SLC24A2: variants seen among roughly 807,000 people sequenced by gnomAD.
SLC24A2 encodes the protein sodium/potassium/calcium exchanger 2.
In SLC24A2, 36 loss-of-function variants were observed where a neutral mutation model predicts 62.0. The observed-to-expected ratio is 0.58, with a 90% CI of 0.44 to 0.77. The LOEUF is 0.77. SLC24A2 is among the 30% of genes least tolerant of loss of function. SLC24A2 has a pLI of 0.00. For missense variants in SLC24A2, 846 were observed against 817.9 expected (o/e 1.03, Z -0.42); for synonymous variants, 358 against 294.0 (o/e 1.22, Z -2.23).
the SLC24A2 span, among the ~76,000 whole-genome samples, chr9:19,996,203 A>G: frequency 2.0e-5 from 3 of 152,316 alleles, no homozygotes; most frequent in Admixed American, 6.5e-5. Context: ...TTTTCTTTGC[A>G]TCAAAGGGTT....
chr9:20,105,802 G>C, the SLC24A2 span, among the ~76,000 whole-genome samples: 1 of 151,938 alleles, frequency 6.6e-6, no homozygotes, highest in Non-Finnish European at 1.5e-5. Flanking sequence ...AAAAGCAAGA[G>C]CAAACACATT....
At chr9:20,060,300 T>C in the SLC24A2 span, among the ~76,000 whole-genome samples, 2 of 152,084 alleles carry the variant, frequency 1.3e-5, no homozygotes, top group Admixed American at 6.6e-5. Flanking sequence ...TTCTAACCCA[T>C]TCCAAAAAGC....
At chr9:19,613,027 T>G (rs1018479120) in intron 4 of SLC24A2, among the ~76,000 whole-genome samples, 1 of 152,226 alleles carries the variant, frequency 6.6e-6, no homozygotes, top group Non-Finnish European at 1.5e-5. Flanking sequence ...CCTTGGTATT[T>G]ATCCATGAAG....
At chr9:19,993,334 T>C in the SLC24A2 span, among the ~76,000 whole-genome samples, 2 of 152,238 alleles carry the variant, frequency 1.3e-5, no homozygotes, top group Non-Finnish European at 2.9e-5. Context: ...CTTTAAAAAC[T>C]TTAGCTTTTG....
chr9:19,549,460 G>C (rs1834736699), intron 8 of SLC24A2, among the ~76,000 whole-genome samples: 1 of 152,198 alleles, frequency 6.6e-6, no homozygotes, highest in Non-Finnish European at 1.5e-5. Flanking sequence ...TTCTGGGACT[G>C]AATCATCACA....
At chr9:19,659,812 A>G (rs1819045074) in intron 2 of SLC24A2, among the ~76,000 whole-genome samples, 1 of 152,162 alleles carries the variant, frequency 6.6e-6, no homozygotes, top group African/African-American at 2.4e-5. Context: ...TACAAGTGAA[A>G]TCCAGGGCCC....
At chr9:20,296,364 G>A in the SLC24A2 span, among the ~76,000 whole-genome samples, 4 of 152,152 alleles carry the variant, frequency 2.6e-5, no homozygotes, top group Admixed American at 2.0e-4. Context: ...TTTTATCTTT[G>A]CATCATTTCT....
chr9:19,823,478 A>T, the SLC24A2 span, among the ~76,000 whole-genome samples: 1,660 of 152,250 alleles, frequency 0.011, 35 homozygotes, highest in African/African-American at 0.038. Context: ...AAAAATTAAC[A>T]TCAAGCTGGG....
At chr9:20,008,979 A>G in the SLC24A2 span, among the ~76,000 whole-genome samples, 34 of 152,310 alleles carry the variant, frequency 2.2e-4, 1 homozygote, top group South Asian at 7.0e-3. Context: ...TGAGGCTGAG[A>G]CACCCCCTTA....
intron 2 of SLC24A2, among the ~76,000 whole-genome samples, chr9:19,783,177 T>C (rs534231841): frequency 6.6e-6 from 1 of 152,194 alleles, no homozygotes; most frequent in Non-Finnish European, 1.5e-5. Flanking sequence ...ATGAAGCAAG[T>C]AGTTTCAAGG....
chr9:20,152,011 AC>A, the SLC24A2 span, among the ~76,000 whole-genome samples: 1 of 151,886 alleles, frequency 6.6e-6, no homozygotes, highest in African/African-American at 2.4e-5. Flanking sequence ...AAGCGACTGA[AC>A]CAGGTGTTAT....
the SLC24A2 span, among the ~76,000 whole-genome samples, chr9:19,958,439 C>A: frequency 2.6e-5 from 4 of 152,196 alleles, no homozygotes; most frequent in African/African-American, 7.2e-5. Context: ...AACCCAAGCT[C>A]CACAGTACAG....
At chr9:19,767,410 G>C (rs903859596) in intron 2 of SLC24A2, among the ~76,000 whole-genome samples, 1 of 152,206 alleles carries the variant, frequency 6.6e-6, no homozygotes, top group South Asian at 2.1e-4. Context: ...TTTTGTGCTT[G>C]AAACCCAGGG....
the SLC24A2 span, among the ~76,000 whole-genome samples, chr9:20,032,994 A>C: frequency 2.0e-5 from 3 of 152,190 alleles, no homozygotes; most frequent in African/African-American, 7.2e-5. Flanking sequence ...TACCTTGGTG[A>C]ATCAGATATT....
At chr9:19,890,975 C>G in the SLC24A2 span, among the ~76,000 whole-genome samples, 2 of 152,170 alleles carry the variant, frequency 1.3e-5, no homozygotes, top group Non-Finnish European at 2.9e-5. Flanking sequence ...TGATTGATTT[C>G]TCCCAAGCCT....
the SLC24A2 span, among the ~76,000 whole-genome samples, chr9:20,270,746 G>A: frequency 1.2e-4 from 18 of 152,258 alleles, no homozygotes; most frequent in South Asian, 1.7e-3. Flanking sequence ...ACAAAAACCC[G>A]TGTCATCATG....
At chr9:19,718,079 C>T (rs563035741) in intron 2 of SLC24A2, among the ~76,000 whole-genome samples, 5 of 150,306 alleles carry the variant, frequency 3.3e-5, no homozygotes, top group South Asian at 2.1e-4. Context: ...CAGGTTCAAG[C>T]GATTCTCCTG....
At chr9:19,914,561 T>A in the SLC24A2 span, among the ~76,000 whole-genome samples, 1 of 152,142 alleles carries the variant, frequency 6.6e-6, no homozygotes, top group Non-Finnish European at 1.5e-5. Context: ...CAAAGTCATC[T>A]TTTAAGACCA....
chr9:20,028,338 C>G, the SLC24A2 span, among the ~76,000 whole-genome samples: 1 of 152,204 alleles, frequency 6.6e-6, no homozygotes, highest in African/African-American at 2.4e-5. Flanking sequence ...ACTGATGGTT[C>G]AGCCAGCACT....
Sources: allele counts gnomAD v4.1 joint callset (sites outside exome capture counted in the v4.1 genomes callset), GRCh38; gene constraint gnomAD v4.1.1; transcripts MANE v1.5; gene names NCBI Gene and HGNC (gene_info 2026-07-23, HGNC 2026-07-21).